Variants in APPBP2 observed in about 807,000 individuals in gnomAD.
APPBP2 encodes the protein amyloid beta precursor protein binding protein 2.
In APPBP2, 15 loss-of-function variants were observed where a neutral mutation model predicts 76.0. That is an observed-to-expected ratio of 0.20 (90% CI 0.13 to 0.30). APPBP2 has a LOEUF of 0.30. Among genes scored for constraint, APPBP2 ranks in the 10% least tolerant of loss-of-function variants. The probability of loss-of-function intolerance (pLI) is 1.00; values close to 1 mark genes in which losing one functional copy is unlikely to be tolerated. For missense variants in APPBP2, 401 were observed against 687.2 expected (o/e 0.58, Z 4.66); for synonymous variants, 222 against 242.2 (o/e 0.92, Z 0.77).
intron 2 of APPBP2, among the ~76,000 whole-genome samples, chr17:60,499,324 CTG>C (rs1169901576): frequency 6.7e-6 from 1 of 149,270 alleles, no homozygotes; most frequent in Non-Finnish European, 1.5e-5. Context: ...CAGAACAAGA[CTG>C]TGTCTCAAAA....
intron 11 of APPBP2, among the ~76,000 whole-genome samples, chr17:60,453,146 C>T (rs2090407491): frequency 6.6e-6 from 1 of 152,016 alleles, no homozygotes; most frequent in Middle Eastern, 3.2e-3. Context: ...TCATATTTGT[C>T]TTTTTTATTT....
chr17:60,485,797 G>A (rs2090671508), intron 3 of APPBP2, among the ~76,000 whole-genome samples: 3 of 152,178 alleles, frequency 2.0e-5, no homozygotes, highest in Non-Finnish European at 1.5e-5. Context: ...ATGGTAGGGT[G>A]TGAATTGTAG....
chr17:60,479,410 A>G (rs1598357036), intron 3 of APPBP2, 139 bp from the exon 4 acceptor site: 1 of 863,040 alleles, frequency 1.2e-6, no homozygotes. Context: ...CAACACAGGT[A>G]TGAACTGTGA....
chr17:60,498,802 A>G (rs1482135563), intron 2 of APPBP2, among the ~76,000 whole-genome samples: 2 of 152,208 alleles, frequency 1.3e-5, no homozygotes, highest in Non-Finnish European at 2.9e-5. Context: ...TCTGGTAACA[A>G]CTGCAAATAA....
intron 3 of APPBP2, among the ~76,000 whole-genome samples, chr17:60,493,620 C>T (rs1289166659): frequency 1.3e-5 from 2 of 150,260 alleles, no homozygotes; most frequent in African/African-American, 2.5e-5. Context: ...AGGTGAGAAC[C>T]GCCATGCCCA....
In APPBP2 at chr17:60,466,473, A is replaced by G. The variant is rs199995598; in HGVS notation, c.504-14T>C. 55 of 1,607,356 alleles carry G rather than the reference A, an allele frequency of 3.4e-5. No individual in the cohort carries two copies. The highest frequency in any genetic ancestry group is 4.2e-5 in the Non-Finnish European group (49 of 1,178,796). On this transcript the variant is annotated splice_polypyrimidine_tract_variant and intron_variant, in intron 4 of 12. Coordinates refer to ENST00000083182, the MANE Select transcript of APPBP2 (RefSeq NM_006380.5). ...ACATGAAGCAACCTATAAAACACCA[A>G]TAACATTGCTCTATTTTTGATATTT...
At chr17:60,525,442 G>A (rs2143517963) in intron 1 of APPBP2, among the ~76,000 whole-genome samples, 1 of 152,330 alleles carries the variant, frequency 6.6e-6, no homozygotes, top group South Asian at 2.1e-4. Context: ...ATTGGAAGGA[G>A]AGGATGGAAA....
intron 3 of APPBP2, among the ~76,000 whole-genome samples, chr17:60,482,388 T>C (rs2090636799): frequency 6.6e-6 from 1 of 152,308 alleles, no homozygotes; most frequent in African/African-American, 2.4e-5. Flanking sequence ...TCCAGGGTGA[T>C]AGTCCTACTT....
intron 4 of APPBP2, among the ~76,000 whole-genome samples, chr17:60,475,663 A>ACACG (rs1555632598): frequency 2.0e-5 from 3 of 149,782 alleles, no homozygotes; most frequent in African/African-American, 7.5e-5. Flanking sequence ...ACACACACAC[A>ACACG]CACACACACA....
At chr17:60,516,873 A>T (rs1363875989) in intron 1 of APPBP2, among the ~76,000 whole-genome samples, 1 of 152,170 alleles carries the variant, frequency 6.6e-6, no homozygotes, top group Non-Finnish European at 1.5e-5. Context: ...GTGTACAGTA[A>T]AACAGTACTT....
chr17:60,479,325 T>A (rs534724246), intron 3 of APPBP2, 54 bp from the exon 4 acceptor site: 1 of 1,532,170 alleles, frequency 6.5e-7, no homozygotes, highest in African/African-American at 1.4e-5. Context: ...GCCTGCAAGA[T>A]AAAATGACAT....
At chr17:60,490,181 T>G (rs1294126221) in intron 3 of APPBP2, among the ~76,000 whole-genome samples, 2 of 152,266 alleles carry the variant, frequency 1.3e-5, no homozygotes, top group East Asian at 3.9e-4. Flanking sequence ...TACAAACAAA[T>G]GAGTGCACGT....
At chr17:60,504,395 A>G (rs2090849918) in intron 1 of APPBP2, among the ~76,000 whole-genome samples, 1 of 152,238 alleles carries the variant, frequency 6.6e-6, no homozygotes, top group Non-Finnish European at 1.5e-5. Context: ...ATATCAACGT[A>G]TGACAAAAGA....
intron 9 of APPBP2, among the ~76,000 whole-genome samples, chr17:60,458,344 G>A (rs184700120): frequency 9.2e-5 from 14 of 151,880 alleles, no homozygotes; most frequent in Admixed American, 7.9e-4. Context: ...TGAGACAGGA[G>A]AATCGCTTGA....
chr17:60,511,843 A>G (rs2090916078), intron 1 of APPBP2, among the ~76,000 whole-genome samples: 1 of 151,816 alleles, frequency 6.6e-6, no homozygotes, highest in African/African-American at 2.4e-5. Flanking sequence ...AGAGTTTTGA[A>G]TATGCTTAAT....
rs576186366 is a variant in APPBP2, at chr17:60,503,153, C to T, written c.139-2666G>A. ...TCAGCCTCCCGAATAGCCTGGACTA[C>T]CGGCGCGGGATACCACGCCCAGGTA... On this transcript the variant is annotated intron_variant, in intron 1 of 12. Transcript: ENST00000083182. Among the ~76,000 whole-genome samples, 3 of 144,608 alleles carry T rather than the reference C, an allele frequency of 2.1e-5. No homozygotes were observed. The South Asian group carries it at 6.3e-4, about 30-fold the overall frequency. 94.9% of individuals were successfully genotyped at this position (144,608 alleles called of 152,430 possible). A position where few individuals can be genotyped will look rare whatever the true frequency, so the allele number is the denominator to read the frequency against.
At chr17:60,468,776 A>T (rs2090529724) in intron 4 of APPBP2, among the ~76,000 whole-genome samples, 2 of 152,244 alleles carry the variant, frequency 1.3e-5, no homozygotes, top group African/African-American at 4.8e-5. Flanking sequence ...GGAGGTTCTC[A>T]AAATGTGGCA....
chr17:60,508,019 C>G (rs981741855), intron 1 of APPBP2, among the ~76,000 whole-genome samples: 2 of 151,014 alleles, frequency 1.3e-5, no homozygotes, highest in African/African-American at 4.9e-5. Context: ...GCCACCCAGG[C>G]TGGAGTGCAG....
chr17:60,515,300 G>A (rs1369180511), intron 1 of APPBP2, among the ~76,000 whole-genome samples: 1 of 151,766 alleles, frequency 6.6e-6, no homozygotes, highest in Non-Finnish European at 1.5e-5. Context: ...ACTTTTAGTA[G>A]AGACGGGGTT....
Sources: gnomAD v4.1 joint callset for allele counts (sites outside exome capture counted in the v4.1 genomes callset) on GRCh38, gnomAD v4.1.1 for gene constraint, MANE v1.5 for transcripts, NCBI Gene and HGNC (gene_info 2026-07-23, HGNC 2026-07-21) for gene names.